The following TBX1 variants were observed in gnomAD, a reference collection of about 807,000 sequenced individuals.
TBX1 encodes T-box transcription factor TBX1.
Under a neutral mutation model 40.8 loss-of-function variants are expected in TBX1, and 16 were observed. That is an observed-to-expected ratio of 0.39 (90% CI 0.27 to 0.60). The LOEUF (loss-of-function observed/expected upper bound fraction) is 0.60. Ranked by LOEUF, TBX1 falls within the 20% of genes least tolerant of loss-of-function variation. TBX1 has a pLI of 0.51. For synonymous variants in TBX1, 403 were observed against 336.8 expected (o/e 1.20, Z -2.15); for missense variants, 755 against 728.5 (o/e 1.04, Z -0.42).
At chr22:19,761,496 C>G (rs1183299939) in intron 1 of TBX1, among the ~76,000 whole-genome samples, 1 of 151,720 alleles carries the variant, frequency 6.6e-6, no homozygotes, top group Non-Finnish European at 1.5e-5. Context: ...CTATCCTCCG[C>G]CGGGGCGGGA....
downstream of TBX1, among the ~76,000 whole-genome samples, chr22:19,770,294 C>T (rs562671143): frequency 5.9e-5 from 9 of 152,294 alleles, no homozygotes; most frequent in Non-Finnish European, 1.2e-4. Context: ...GGGTGGGGAC[C>T]ATCCACACCC....
chr22:19,758,489 C>T (rs1211499158), upstream of TBX1, among the ~76,000 whole-genome samples: 1 of 152,192 alleles, frequency 6.6e-6, no homozygotes, highest in Non-Finnish European at 1.5e-5. Context: ...ATGCCTGGGC[C>T]TAGAAACCAG....
rs189245057 is a variant in TBX1, at chr22:19,762,487, C to T, written c.438-754C>T. Reference sequence around the variant, plus strand: ...GTGGGGGTAGCCCATGGCCTACACCCGTCCAGGCACTGCAGAATGTCCTTT... The same window carrying T: ...GTGGGGGTAGCCCATGGCCTACACCTGTCCAGGCACTGCAGAATGTCCTTT... On this transcript the variant is annotated intron_variant, in intron 1 of 6. Transcript: ENST00000649276. Among the ~76,000 whole-genome samples, 121 of 152,352 alleles carry T rather than the reference C, an allele frequency of 7.9e-4. 1 individual carries two copies. Among genetic ancestry groups the T allele is most frequent in the Non-Finnish European group, 2.1e-4 (14 of 68,034 alleles).
chr22:19,763,851 CG>C (rs1311498163), intron 2 of TBX1: 1 of 526,484 alleles, frequency 1.9e-6, no homozygotes, highest in Non-Finnish European at 3.4e-6. Flanking sequence ...GGGCTCCCAC[CG>C]CAGCGGCACC....
chr22:19,768,014 G>A (rs1936918472), downstream of TBX1, among the ~76,000 whole-genome samples: 1 of 152,194 alleles, frequency 6.6e-6, no homozygotes. Flanking sequence ...TCCCAGGCCA[G>A]GTGGCTAAGG....
intron 3 of TBX1, among the ~76,000 whole-genome samples, chr22:19,764,584 G>A (rs907552358): frequency 6.6e-6 from 1 of 152,246 alleles, no homozygotes; most frequent in Non-Finnish European, 1.5e-5. Flanking sequence ...CCTGGGAGAG[G>A]GGTCGCCCTC....
Position 19,765,853 on chromosome 22 carries a change from C to T in TBX1, c.935+28C>T, listed in dbSNP as rs771023775. ...GAGTGTCCTCCCCCGAGAGAGTGAG[C>T]GCCGGGCGCCTGGCGCAGGCGCCGC... is the stretch of plus-strand genomic sequence containing the variant. On this transcript the variant is annotated intron_variant, in intron 5 of 6. Coordinates refer to ENST00000649276, the MANE Select transcript of TBX1 (RefSeq NM_001379200.1). 124 of 1,581,050 alleles carry T rather than the reference C, an allele frequency of 7.8e-5. 2 individuals are homozygous for T. The South Asian group carries it at 1.2e-3, about 16-fold the overall frequency.
At chr22:19,762,851 G>A (rs13055836) in intron 1 of TBX1, among the ~76,000 whole-genome samples, 3 of 152,294 alleles carry the variant, frequency 2.0e-5, no homozygotes, top group Admixed American at 6.5e-5. Flanking sequence ...GAGCTGCTTC[G>A]ATCAAGCTGG....
chr22:19,776,410 C>T (rs1937065847), intron 8 of TBX1, among the ~76,000 whole-genome samples: 1 of 152,218 alleles, frequency 6.6e-6, no homozygotes, highest in South Asian at 2.1e-4. Flanking sequence ...ATGCAAGACA[C>T]ACAGTGCCTG....
Position 19,765,758 on chromosome 22 carries a change from A to G in TBX1, c.868A>G (p.Ile290Val). Reference protein sequence around the residue: ...TAVTAYQNHRITQLKIASNPF... With the variant: ...TAVTAYQNHRVTQLKIASNPF... ...CTTGCTCACACCCACCTCCCTGCAG[A>G]TCACGCAGCTCAAGATTGCCAGCAA... The change falls in exon 5 of 7, where the codon ATC becomes GTC. Residue 290 changes from isoleucine (I) to valine (V), a missense_variant and splice_region_variant. Ile to Val is a conservative substitution (Grantham distance 29). Around this residue, in one of 3 missense-constraint regions of TBX1, gnomAD observed 144 missense variants for 238.0 expected, o/e 0.61. Transcript: ENST00000649276. 2 of 1,611,662 alleles carry G rather than the reference A, an allele frequency of 1.2e-6. No homozygotes were observed. The highest frequency in any genetic ancestry group is 2.2e-5 in the East Asian group (1 of 44,760).
At chr22:19,761,438 C>T (rs1229168501) in intron 1 of TBX1, among the ~76,000 whole-genome samples, 158 bp downstream of exon 1, 3 of 151,772 alleles carry the variant, frequency 2.0e-5, no homozygotes, top group Non-Finnish European at 2.9e-5. Flanking sequence ...CTTCGCTGTT[C>T]GCCGTCCCGG....
In TBX1 at chr22:19,766,347, C is replaced by T. The variant is rs922333265; in HGVS notation, c.1037-42C>T. 21 of 1,248,722 alleles carry T rather than the reference C, an allele frequency of 1.7e-5. 1 individual carries two copies. The African/African-American group carries it at 3.0e-4, about 18-fold the overall frequency. The allele number at this position is 1,248,722 out of a possible 1,614,324, so 77.4% of individuals were successfully genotyped here. A position where few individuals can be genotyped will look rare whatever the true frequency, so the allele number is the denominator to read the frequency against. On this transcript the variant is annotated intron_variant, in intron 6 of 6. Coordinates refer to ENST00000649276, the MANE Select transcript of TBX1 (RefSeq NM_001379200.1). The stretch of plus-strand genomic sequence containing the variant: ...CGCATGGGGCGTCGGAGCTCCTCGG[C>T]GGCCCCGGCCGGCCGCGCTCACTCC...
rs1439655563 is a variant in TBX1 at position 19,766,447 on chromosome 22, G to A, written c.1095G>A (p.Gly365=). The A allele has an allele frequency of 3.0e-6, 4 of 1,338,790 alleles. No homozygotes were observed. In the Admixed American group the frequency reaches 1.0e-4, roughly 33 times the overall value. 82.9% of individuals were successfully genotyped at this position (1,338,790 alleles called of 1,614,324 possible). A position where few individuals can be genotyped will look rare whatever the true frequency, so the allele number is the denominator to read the frequency against. The change falls in exon 7 of 7, where the codon GGG becomes GGA. Residue 365 remains glycine (G), a synonymous_variant. Coordinates refer to ENST00000649276, the MANE Select transcript of TBX1 (RefSeq NM_001379200.1). ...QRDAGGPAVL[G]DPAHPPQLLA... is the part of the protein sequence containing the mutation. ...ACGCGGGCGGGCCAGCAGTGCTCGG[G>A]GACCCGGCGCATCCTCCGCAGCTGC...
At chr22:19,768,948 G>A (rs1230301541), downstream of TBX1, among the ~76,000 whole-genome samples, 2 of 83,952 alleles carry the variant, frequency 2.4e-5, no homozygotes, top group South Asian at 1.1e-3. Flanking sequence ...GGGGCTGTTC[G>A]CATTCTTTTT....
chr22:19,760,212 GTT>G (rs71761160), upstream of TBX1, among the ~76,000 whole-genome samples: 53 of 125,910 alleles, frequency 4.2e-4, no homozygotes, highest in Admixed American at 1.0e-3. Flanking sequence ...AAAGACTTTA[GTT>G]TTTTTTTTTT....
chr22:19,782,726 ATGG>A (rs1937153902), downstream of TBX1, among the ~76,000 whole-genome samples: 1 of 152,012 alleles, frequency 6.6e-6, no homozygotes, highest in African/African-American at 2.4e-5. Context: ...CCACCTACTG[ATGG>A]TGTGTGAGGC....
In TBX1 at chr22:19,765,998, G is replaced by A; in HGVS notation, c.1032G>A (p.Glu344=). 6.6e-7 allele frequency: 1 copy of A among 1,509,642 alleles called. No homozygotes were observed. 93.5% of individuals were successfully genotyped at this position (1,509,642 alleles called of 1,614,324 possible). ...CCCCGACGCAGCCCAGCGGCACGGA[G>A]AAAGGTAGGGCCGGGGTCGTGGGAT... is the stretch of plus-strand genomic sequence containing the variant. ...VASPTQPSGT[E]KDAAEARREF... The change falls in exon 6 of 7, where the codon GAG becomes GAA. Residue 344 remains glutamate, a synonymous_variant. Transcript: ENST00000649276.
In TBX1 at chr22:19,764,058, A is replaced by T. The variant is rs1338357940; in HGVS notation, c.540-97A>T. The stretch of plus-strand genomic sequence containing the variant: ...AGAGGGTTCAATCTCACAGGTGGGG[A>T]AACTTCTCAAAGGCACTTTTAGGGT... On this transcript the variant is annotated intron_variant, in intron 2 of 6. Transcript: ENST00000649276. 1.8e-5 allele frequency: 25 copies of T among 1,398,642 alleles called. No individual in the cohort carries two copies. The South Asian group carries it at 2.7e-4, about 15-fold the overall frequency. 86.6% of individuals were successfully genotyped at this position (1,398,642 alleles called of 1,614,324 possible). A position where few individuals can be genotyped will look rare whatever the true frequency, so the allele number is the denominator to read the frequency against.
chr22:19,762,970 G>A (rs1302948494), intron 1 of TBX1, among the ~76,000 whole-genome samples: 2 of 152,234 alleles, frequency 1.3e-5, no homozygotes, highest in Non-Finnish European at 2.9e-5. Flanking sequence ...GGCCAAGGTT[G>A]CCGAAGGTGG....
Sources: allele counts gnomAD v4.1 joint callset (sites outside exome capture counted in the v4.1 genomes callset), GRCh38; gene constraint gnomAD v4.1.1; regional missense constraint gnomAD v4.1.1; transcripts MANE v1.5; gene names NCBI Gene and HGNC (gene_info 2026-07-23, HGNC 2026-07-21).